CRLF2: variants seen among roughly 807,000 people sequenced by gnomAD.
CRLF2 encodes cytokine receptor like factor 2.
A neutral mutation model predicts 38.7 loss-of-function variants in CRLF2; 41 were observed. The observed-to-expected ratio is 1.06, with a 90% CI of 0.83 to 1.37. CRLF2 has a LOEUF of 1.37. CRLF2 is among the 40% of genes most tolerant of loss of function. The probability of loss-of-function intolerance (pLI) is 0.00; values close to 1 mark genes in which losing one functional copy is unlikely to be tolerated. For missense variants in CRLF2, 377 were observed against 322.2 expected, an observed-to-expected ratio of 1.17 and a Z score of -1.30; for synonymous variants, 140 against 128.8, an observed-to-expected ratio of 1.09 and a Z score of -0.59.
At chrX:1,202,249 C>T (rs750275664) in intron 4 of CRLF2, among the ~76,000 whole-genome samples, 153 bp downstream of exon 4, 5 of 152,078 alleles carry the variant, frequency 3.3e-5, no homozygotes, top group Non-Finnish European at 7.4e-5. Context: ...AAAAGCCAAG[C>T]TGGACTAGAG....
chrX:1,200,867 G>C (rs1163743023), intron 4 of CRLF2, among the ~76,000 whole-genome samples: 1 of 48,688 alleles, frequency 2.1e-5, no homozygotes, highest in Non-Finnish European at 4.6e-5. Context: ...ATATGTGTGT[G>C]TGTACACACA....
At chrX:1,209,766 G>A (rs2086762783) in intron 1 of CRLF2, among the ~76,000 whole-genome samples, 1 of 151,916 alleles carries the variant, frequency 6.6e-6, no homozygotes. Context: ...TGTCCCCATC[G>A]ATCCACCTTA....
At chrX:1,208,270 A>AT (rs1266573382) in intron 2 of CRLF2, among the ~76,000 whole-genome samples, 3 of 151,918 alleles carry the variant, frequency 2.0e-5, no homozygotes, top group Non-Finnish European at 2.9e-5. Flanking sequence ...AATCTAGGTG[A>AT]TTTTCAGTCC....
intron 5 of CRLF2, among the ~76,000 whole-genome samples, chrX:1,197,399 G>A (rs1230776761): frequency 1.3e-5 from 2 of 151,942 alleles, no homozygotes; most frequent in Non-Finnish European, 2.9e-5. Flanking sequence ...GCCACCCCGA[G>A]GAAGTAAGGG....
chrX:1,199,507 G>T (rs771250602), intron 4 of CRLF2, among the ~76,000 whole-genome samples: 2 of 152,004 alleles, frequency 1.3e-5, no homozygotes, highest in South Asian at 2.1e-4. Context: ...CACCACGTTG[G>T]CCAGGCTGGT....
At position 1,190,538 on chromosome X, in the gene CRLF2, G is replaced by T. The variant is rs1361175355; in HGVS notation, c.*359C>A. On this transcript the variant is annotated 3_prime_UTR_variant, in exon 8 of 8. Transcript: ENST00000400841. ...TCCGAGAATCCAATGCTATGGGAAT[G>T]GTACATGGACGGAACTGGGGACTCA... 1.0e-5 allele frequency: 3 copies of T among 287,372 alleles called. No homozygotes were observed. Among genetic ancestry groups the T allele is most frequent in the Non-Finnish European group, 1.9e-5 (3 of 155,190 alleles). 17.8% of individuals were successfully genotyped at this position (287,372 alleles called of 1,614,324 possible). A position where few individuals can be genotyped will look rare whatever the true frequency, so the allele number is the denominator to read the frequency against.
intron 4 of CRLF2, among the ~76,000 whole-genome samples, chrX:1,200,701 T>C (rs1159675136): frequency 0.42 from 43,097 of 102,352 alleles, 11,287 homozygotes; most frequent in East Asian, 0.63. Context: ...TATATGTGTG[T>C]GTATATAAGA....
rs771886142 is a variant in CRLF2, at chrX:1,211,168, A to AATGG, written c.79+1384_79+1387dup. Among the ~76,000 whole-genome samples the AATGG allele has an allele frequency of 3.5e-3, 437 of 125,968 alleles. 2 individuals are homozygous for AATGG. Among genetic ancestry groups the AATGG allele is most frequent in the Middle Eastern group, 8.7e-3 (2 of 230 alleles). 82.6% of individuals were successfully genotyped at this position (125,968 alleles called of 152,430 possible). A position where few individuals can be genotyped will look rare whatever the true frequency, so the allele number is the denominator to read the frequency against. On this transcript the variant is annotated intron_variant, in intron 1 of 7. Transcript: ENST00000400841. ...AAATGGATGAACAGATACATAGGTGAATGGATGGATGGATGGATGGATGGA... is the reference window on the plus strand; with the variant it reads ...AAATGGATGAACAGATACATAGGTGAATGGATGGATGGATGGATGGATGGATGGA...
rs769805287 is a variant in CRLF2, at chrX:1,202,520, G to C, written c.365C>G (p.Pro122Arg). 1 of 1,613,528 alleles carries C rather than the reference G, an allele frequency of 6.2e-7. No individual in the cohort carries two copies. The highest frequency in any genetic ancestry group is 1.3e-5 in the African/African-American group (1 of 74,874). The change falls in exon 4 of 8, where the codon CCG becomes CGG. Residue 122 changes from proline (P) to arginine (R), a missense_variant. Transcript: ENST00000400841. ...ATGCCACGAAAATCTCACGTGCTTC[G>C]GGGAACTGGGTTTCACTGAGAAGAA... ...WMVYYLKPSS[P>R]KHVRFSWHQD...
At position 1,206,508 on chromosome X, in the gene CRLF2, C is replaced by T; in HGVS notation, c.274G>A (p.Asp92Asn). The T allele has an allele frequency of 6.2e-7, 1 of 1,613,656 alleles. No homozygotes were observed. The highest frequency in any genetic ancestry group is 1.1e-5 in the South Asian group (1 of 91,070). Residue 92 changes from aspartate (D) to asparagine (N), a missense_variant, in exon 3 of 8, where the codon GAC becomes AAC. Physicochemically the swap from Asp to Asn is conservative, Grantham distance 23 (BLOSUM62 1). Transcript: ENST00000400841. ...SGCLLDAEQR[D>N]DILYFSIRNG... The stretch of plus-strand genomic sequence containing the variant: ...CTGATGGAGAAATAGAGAATGTCGT[C>T]TCGCTGCTCTGCGTCTAGGAGGCAC...
Sources: gnomAD v4.1 joint callset for allele counts (sites outside exome capture counted in the v4.1 genomes callset) on GRCh38, gnomAD v4.1.1 for gene constraint, MANE v1.5 for transcripts, NCBI Gene and HGNC (gene_info 2026-07-23, HGNC 2026-07-21) for gene names.